Variants in HPSE2 observed in about 807,000 individuals in gnomAD.
The protein encoded by HPSE2 is heparanase 2 (inactive).
In HPSE2, 38 loss-of-function variants were observed where a neutral mutation model predicts 60.5. That is an observed-to-expected ratio of 0.63 (90% CI 0.48 to 0.82). The LOEUF is 0.82. Ranked by LOEUF, HPSE2 falls within the 40% of genes least tolerant of loss-of-function variation. The pLI, the probability that HPSE2 is intolerant of heterozygous loss-of-function variation, is 0.00. For missense variants in HPSE2, 713 were observed against 740.4 expected, an observed-to-expected ratio of 0.96 and a Z score of 0.43; for synonymous variants, 295 against 293.2, an observed-to-expected ratio of 1.01 and a Z score of -0.06.
At chr10:98,501,000 A>C (rs1175063503) in intron 9 of HPSE2, among the ~76,000 whole-genome samples, 2 of 152,074 alleles carry the variant, frequency 1.3e-5, no homozygotes, top group Non-Finnish European at 2.9e-5. Flanking sequence ...GTCAGGAAGA[A>C]TTTGATACCC....
At chr10:99,033,813 A>T (rs1002752530) in intron 3 of HPSE2, among the ~76,000 whole-genome samples, 2 of 152,042 alleles carry the variant, frequency 1.3e-5, no homozygotes, top group Non-Finnish European at 2.9e-5. Flanking sequence ...AACCAACAAC[A>T]GCAACAACAG....
At chr10:98,999,599 A>C (rs1459363926) in intron 3 of HPSE2, among the ~76,000 whole-genome samples, 1 of 152,102 alleles carries the variant, frequency 6.6e-6, no homozygotes, top group Non-Finnish European at 1.5e-5. Flanking sequence ...TGGAAGTGAG[A>C]TGTGAGCTGG....
intron 3 of HPSE2, among the ~76,000 whole-genome samples, chr10:98,879,731 C>A (rs1328540158): frequency 2.0e-5 from 3 of 151,868 alleles, no homozygotes; most frequent in African/African-American, 4.8e-5. Context: ...TTGAGCTTGT[C>A]CCTAAATTAG....
intron 3 of HPSE2, among the ~76,000 whole-genome samples, chr10:98,880,508 A>G (rs1335514640): frequency 1.3e-5 from 2 of 151,978 alleles, no homozygotes; most frequent in African/African-American, 4.8e-5. Flanking sequence ...TAGACTTGTG[A>G]CTTTGTCACT....
chr10:98,999,301 A>C (rs928961299), intron 3 of HPSE2, among the ~76,000 whole-genome samples: 1 of 152,132 alleles, frequency 6.6e-6, no homozygotes, highest in Non-Finnish European at 1.5e-5. Flanking sequence ...ATGCTATTGC[A>C]ATTTGATTTT....
intron 2 of HPSE2, among the ~76,000 whole-genome samples, chr10:99,162,631 C>G (rs1846889511): frequency 6.6e-6 from 1 of 152,106 alleles, no homozygotes; most frequent in African/African-American, 2.4e-5. Context: ...TATTCCCAAG[C>G]CAAAGTACTC....
intron 3 of HPSE2, among the ~76,000 whole-genome samples, chr10:98,912,299 C>A (rs1235460539): frequency 1.3e-5 from 2 of 152,182 alleles, no homozygotes; most frequent in Admixed American, 1.3e-4. Flanking sequence ...AGAACAGAAT[C>A]TTCCAGCAAT....
Position 99,175,298 on chromosome 10 carries a change from T to C in HPSE2, c.449-30899A>G, listed in dbSNP as rs111942570. On this transcript the variant is annotated intron_variant, in intron 2 of 11. Coordinates refer to ENST00000370552, the MANE Select transcript of HPSE2 (RefSeq NM_021828.5). ...CTGTTTACTCCCCCAGAAAGGGGGC[T>C]GAAACCAGGGAGCCAAGTGGTCTAG... 1.9e-3 allele frequency among the ~76,000 whole-genome samples: 282 copies of C among 152,160 alleles called. 2 individuals are homozygous for C. Among genetic ancestry groups the C allele is most frequent in the African/African-American group, 6.7e-3 (277 of 41,530 alleles).
chr10:99,247,225 T>C, the HPSE2 span, among the ~76,000 whole-genome samples: 7 of 152,234 alleles, frequency 4.6e-5, no homozygotes, highest in East Asian at 5.8e-4. Context: ...TAGATAAACA[T>C]ATAATCTCCT....
intron 3 of HPSE2, among the ~76,000 whole-genome samples, chr10:98,808,481 T>C (rs1323433355): frequency 1.3e-5 from 2 of 152,196 alleles, no homozygotes; most frequent in African/African-American, 4.8e-5. Context: ...ATATAACATT[T>C]AATCAAGAAA....
At chr10:98,478,373 A>G (rs765496293) in intron 11 of HPSE2, among the ~76,000 whole-genome samples, 1 of 152,140 alleles carries the variant, frequency 6.6e-6, no homozygotes, top group Non-Finnish European at 1.5e-5. Context: ...CACTGAGAAC[A>G]CAGGCTCCAA....
chr10:98,887,202 T>C (rs938599096), intron 3 of HPSE2, among the ~76,000 whole-genome samples: 1 of 152,148 alleles, frequency 6.6e-6, no homozygotes, highest in Non-Finnish European at 1.5e-5. Context: ...AGAACCATAA[T>C]ATCAACTTTA....
At chr10:99,206,828 T>C (rs911433469) in intron 2 of HPSE2, among the ~76,000 whole-genome samples, 2 of 151,710 alleles carry the variant, frequency 1.3e-5, no homozygotes, top group Non-Finnish European at 1.5e-5. Context: ...ATAGAATCAA[T>C]GAAATCAAAG....
chr10:98,608,630 C>A (rs910318851), intron 9 of HPSE2, among the ~76,000 whole-genome samples: 1 of 152,202 alleles, frequency 6.6e-6, no homozygotes, highest in African/African-American at 2.4e-5. Flanking sequence ...GTGGAGCCAG[C>A]CTGAGTCTCA....
At chr10:99,272,078 C>T in the HPSE2 span, among the ~76,000 whole-genome samples, 1 of 152,140 alleles carries the variant, frequency 6.6e-6, no homozygotes, top group Non-Finnish European at 1.5e-5. Flanking sequence ...CGAGACCGGC[C>T]AGGCCAACAT....
At chr10:99,132,873 A>G (rs532439253) in intron 3 of HPSE2, among the ~76,000 whole-genome samples, 6 of 152,204 alleles carry the variant, frequency 3.9e-5, no homozygotes, top group African/African-American at 1.4e-4. Flanking sequence ...GGTGCCTGAA[A>G]CGCCAGCGAG....
At chr10:98,729,992 C>A (rs1336603359) in intron 4 of HPSE2, among the ~76,000 whole-genome samples, 3 of 152,130 alleles carry the variant, frequency 2.0e-5, no homozygotes, top group Non-Finnish European at 4.4e-5. Flanking sequence ...TATCAGCTAA[C>A]TTTACCTAAT....
At chr10:98,527,797 T>C (rs1319684057) in intron 9 of HPSE2, among the ~76,000 whole-genome samples, 2 of 152,166 alleles carry the variant, frequency 1.3e-5, no homozygotes, top group Non-Finnish European at 2.9e-5. Context: ...CAATAAATAT[T>C]TGAGGAGTAA....
chr10:98,506,463 G>C (rs1942204029), intron 9 of HPSE2, among the ~76,000 whole-genome samples: 1 of 149,888 alleles, frequency 6.7e-6, no homozygotes, highest in Non-Finnish European at 1.5e-5. Flanking sequence ...CTTTTTTTTT[G>C]AGACAAGGTC....
Sources: gnomAD v4.1 joint callset for allele counts (sites outside exome capture counted in the v4.1 genomes callset) on GRCh38, gnomAD v4.1.1 for gene constraint, MANE v1.5 for transcripts, NCBI Gene and HGNC (gene_info 2026-07-23, HGNC 2026-07-21) for gene names.